The following TTC3 variants were observed in gnomAD, a reference collection of about 807,000 sequenced individuals.
The protein encoded by TTC3 is tetratricopeptide repeat domain 3, also known as E3 ubiquitin-protein ligase TTC3.
In TTC3, 180 loss-of-function variants were observed where a neutral mutation model predicts 249.6. The observed-to-expected ratio is 0.72, with a 90% CI of 0.64 to 0.82. The LOEUF (loss-of-function observed/expected upper bound fraction) is 0.82, where lower values mean the gene tolerates loss of function less well. TTC3 is among the 40% of genes least tolerant of loss of function. The probability of loss-of-function intolerance (pLI) is 0.00; values close to 1 mark genes in which losing one functional copy is unlikely to be tolerated. For synonymous variants in TTC3, 717 were observed against 805.0 expected (o/e 0.89, Z 1.85); for missense variants, 2,061 against 2,398.4 (o/e 0.86, Z 2.94).
At chr21:37,196,660 T>A (rs926458060) in intron 42 of TTC3, among the ~76,000 whole-genome samples, 10 of 152,190 alleles carry the variant, frequency 6.6e-5, no homozygotes, top group African/African-American at 2.2e-4. Context: ...AAAACTAGTG[T>A]TATAGTATCA....
chr21:37,107,969 T>C (rs6517403), intron 10 of TTC3: 102,257 of 155,698 alleles, frequency 0.66, 33,868 homozygotes, highest in Admixed American at 0.69. Context: ...CCTGTAATCC[T>C]AGCTACTTGG....
intron 18 of TTC3, 78 bp from the exon 19 acceptor site, chr21:37,138,556 C>T: frequency 1.1e-6 from 1 of 931,198 alleles, no homozygotes; most frequent in Admixed American, 1.9e-5. Context: ...TTCTATTACA[C>T]TTCTTTTTCT....
chr21:37,103,020 G>A (rs1340955551), intron 10 of TTC3, among the ~76,000 whole-genome samples: 2 of 152,154 alleles, frequency 1.3e-5, no homozygotes, highest in African/African-American at 2.4e-5. Flanking sequence ...ATTCCAAAGA[G>A]TGAGAAAAAG....
exon 14 of TTC3, chr21:37,124,626 A>T: frequency 6.2e-7 from 1 of 1,611,054 alleles, no homozygotes; most frequent in Non-Finnish European, 8.5e-7. Flanking sequence ...TAGGGCCTAC[A>T]CACCTAGGAG....
chr21:37,090,289 A>G lies in TTC3; in HGVS notation c.480+3A>G, dbSNP rs1568877467. On this transcript the variant is annotated splice_donor_region_variant and intron_variant, in intron 6 of 45. Transcript: ENST00000355666. ...GAATTGGTTGTAAAATAGAAAATGTAAGTGTTAAACACTGAAACTGGCACA... is the reference window on the plus strand; with the variant it reads ...GAATTGGTTGTAAAATAGAAAATGTGAGTGTTAAACACTGAAACTGGCACA... 3.1e-6 allele frequency: 5 copies of G among 1,604,420 alleles called. No homozygotes were observed. The highest frequency in any genetic ancestry group is 4.3e-6 in the Non-Finnish European group (5 of 1,174,352).
exon 44 of TTC3, chr21:37,197,981 C>T (rs553424237): frequency 9.3e-6 from 15 of 1,613,692 alleles, no homozygotes; most frequent in Non-Finnish European, 1.3e-5. Flanking sequence ...TGCACCATCA[C>T]CCAAAACCAA....
intron 39 of TTC3, among the ~76,000 whole-genome samples, chr21:37,189,979 T>G (rs1468392113): frequency 6.6e-6 from 1 of 152,148 alleles, no homozygotes; most frequent in Non-Finnish European, 1.5e-5. Context: ...TTGAGTCCTT[T>G]TACCATGTTC....
chr21:37,124,823 A>C, intron 14 of TTC3, 81 bp downstream of exon 14: 1 of 1,521,466 alleles, frequency 6.6e-7, no homozygotes, highest in Non-Finnish European at 8.8e-7. Context: ...TGGTAATAGA[A>C]ACCAAATTTT....
At chr21:37,182,784 C>T (rs777535080) in exon 36 of TTC3, 41 of 1,580,036 alleles carry the variant, frequency 2.6e-5, no homozygotes, top group African/African-American at 4.1e-5. Flanking sequence ...ATCTCAAAGA[C>T]GGAATTAGAT....
At chr21:37,166,417 C>G (rs954294834) in exon 33 of TTC3, 3 of 1,614,062 alleles carry the variant, frequency 1.9e-6, no homozygotes, top group Non-Finnish European at 2.5e-6. Flanking sequence ...ACCAGATTGC[C>G]TCTGAAACAC....
chr21:37,092,618 A>G (rs930985888), intron 7 of TTC3, among the ~76,000 whole-genome samples: 3 of 152,206 alleles, frequency 2.0e-5, no homozygotes, highest in African/African-American at 7.2e-5. Context: ...GTAAGACTAG[A>G]TAAGTCAGAT....
intron 11 of TTC3, among the ~76,000 whole-genome samples, chr21:37,111,316 C>T (rs192697447): frequency 3.3e-5 from 5 of 152,200 alleles, no homozygotes; most frequent in Admixed American, 6.5e-5. Context: ...ACCCATCTCA[C>T]GTGCAGAGAC....
intron 36 of TTC3, among the ~76,000 whole-genome samples, chr21:37,184,930 C>T (rs576614198): frequency 2.2e-4 from 34 of 152,164 alleles, no homozygotes; most frequent in South Asian, 2.1e-4. Context: ...ACTTAGTATT[C>T]GTTAAGAAAT....
chr21:37,144,496 T>C (rs1308267472), intron 20 of TTC3, 29 bp from the exon 21 acceptor site: 4 of 1,600,560 alleles, frequency 2.5e-6, no homozygotes, highest in Middle Eastern at 1.9e-4. Flanking sequence ...TTTACATCTT[T>C]AATGCCTTTT....
chr21:37,154,947 G>A (rs1474838619), intron 27 of TTC3, among the ~76,000 whole-genome samples: 6 of 152,122 alleles, frequency 3.9e-5, no homozygotes, highest in South Asian at 2.1e-4. Flanking sequence ...TGCCCACCTC[G>A]GCCTCCTAAA....
intron 11 of TTC3, among the ~76,000 whole-genome samples, chr21:37,115,174 T>TATAATAATAATA (rs1246754731): frequency 0.059 from 8,467 of 144,394 alleles, 301 homozygotes; most frequent in East Asian, 0.18. Context: ...AAACTTAAAG[T>TATAATAATAATA]ATAATAATAA....
chr21:37,090,645 C>A (rs781495179), intron 6 of TTC3: 52 of 592,992 alleles, frequency 8.8e-5, no homozygotes, highest in Non-Finnish European at 1.1e-4. Context: ...CAATGTTAAA[C>A]CAATTTTTAA....
chr21:37,104,937 G>T (rs1174290218), intron 10 of TTC3, among the ~76,000 whole-genome samples: 2 of 152,242 alleles, frequency 1.3e-5, no homozygotes, highest in Admixed American at 1.3e-4. Flanking sequence ...GGCCTAGAGA[G>T]AACCTAGGCT....
chr21:37,104,700 A>ATAT (rs2074906091), intron 10 of TTC3, among the ~76,000 whole-genome samples: 1 of 152,150 alleles, frequency 6.6e-6, no homozygotes, highest in Non-Finnish European at 1.5e-5. Context: ...TTGGATGGGA[A>ATAT]ACATGTTTGG....
Sources: gnomAD v4.1 joint callset for allele counts (sites outside exome capture counted in the v4.1 genomes callset) on GRCh38, gnomAD v4.1.1 for gene constraint, MANE v1.5 for transcripts, NCBI Gene and HGNC (gene_info 2026-07-23, HGNC 2026-07-21) for gene names.